SMC4: variants seen among roughly 807,000 people sequenced by gnomAD.
SMC4 encodes the protein structural maintenance of chromosomes 4, also known as structural maintenance of chromosomes protein 4.
Under a neutral mutation model 145.6 loss-of-function variants are expected in SMC4, and 87 were observed. The observed-to-expected ratio is 0.60, with a 90% CI of 0.50 to 0.71. The LOEUF is 0.71. Ranked by LOEUF, SMC4 falls within the 30% of genes least tolerant of loss-of-function variation. SMC4 has a pLI of 0.00. For missense variants in SMC4, 1,447 were observed against 1,537.1 expected (o/e 0.94, Z 0.98); for synonymous variants, 558 against 500.7 (o/e 1.11, Z -1.53).
At chr3:160,401,802 C>A in intron 2 of SMC4, 113 bp from the exon 3 acceptor site, 1 of 744,074 alleles carries the variant, frequency 1.3e-6, no homozygotes, top group Non-Finnish European at 2.2e-6. Flanking sequence ...AAATAACATC[C>A]CTCCATCCCC....
At chr3:160,405,609 C>G (rs938996424) in intron 5 of SMC4, among the ~76,000 whole-genome samples, 2 of 151,922 alleles carry the variant, frequency 1.3e-5, no homozygotes, top group African/African-American at 4.8e-5. Context: ...AAATCAGTAT[C>G]ATTCTAGGAT....
chr3:160,421,655 A>C, intron 13 of SMC4, among the ~76,000 whole-genome samples: 1 of 152,144 alleles, frequency 6.6e-6, no homozygotes, highest in East Asian at 1.9e-4. Context: ...GAAGCAGGAG[A>C]ATTGCCTAAA....
At position 160,420,820 on chromosome 3, in the gene SMC4, T is replaced by G; in HGVS notation, c.1938T>G (p.Asp646Glu). ...CCHALDYIVV[D>E]SIDIAQECVN... ...ATGCACTGGACTACATTGTTGTTGA[T>G]TCTATTGATATAGCCCAAGAATGTG... The change falls in exon 13 of 24, where the codon GAT becomes GAG. Residue 646 changes from aspartate to glutamate, a missense_variant. Coordinates refer to ENST00000357388, the MANE Select transcript of SMC4 (RefSeq NM_001002800.3). 6.2e-7 allele frequency: 1 copy of G among 1,614,100 alleles called. No individual in the cohort carries two copies. Among genetic ancestry groups the G allele is most frequent in the Non-Finnish European group, 8.5e-7 (1 of 1,179,982 alleles).
chr3:160,426,318 A>G (rs1717792010), intron 17 of SMC4, 118 bp downstream of exon 17: 1 of 755,672 alleles, frequency 1.3e-6, no homozygotes, highest in East Asian at 2.6e-5. Context: ...TCATTGCACT[A>G]TTTTATGGTG....
In SMC4 at chr3:160,423,506, G is replaced by A; in HGVS notation, c.2101G>A (p.Asp701Asn). ...TTTATTTGATTTAGTAAAAGTAAAA[G>A]ATGAGAAAATTCGCCAAGCTTTTTA... ...PRLFDLVKVKDEKIRQAFYFA... is the reference protein window; with the variant it reads ...PRLFDLVKVKNEKIRQAFYFA... The change falls in exon 14 of 24, where the codon GAT becomes AAT. Residue 701 changes from aspartate to asparagine, a missense_variant. Asp to Asn is a conservative substitution (Grantham distance 23). Coordinates refer to ENST00000357388, the MANE Select transcript of SMC4 (RefSeq NM_001002800.3). 6.2e-7 allele frequency: 1 copy of A among 1,613,726 alleles called. No individual in the cohort carries two copies. Among genetic ancestry groups the A allele is most frequent in the Non-Finnish European group, 8.5e-7 (1 of 1,179,826 alleles).
rs747854603 is a variant in SMC4, at chr3:160,404,432, A to T, written c.615A>T (p.Thr205=). Residue 205 remains threonine (T), a synonymous_variant, in exon 5 of 24, where the codon ACA becomes ACT. Transcript: ENST00000357388. ...SVYHISGKKK[T]FKDVGNLLRS... ...ATCACATAAGTGGAAAGAAAAAGACATTTAAGGATGTTGGAAATCTTCTTC... is the reference window on the plus strand; with the variant it reads ...ATCACATAAGTGGAAAGAAAAAGACTTTTAAGGATGTTGGAAATCTTCTTC... 6.2e-7 allele frequency: 1 copy of T among 1,612,196 alleles called. No homozygotes were observed. The highest frequency in any genetic ancestry group is 8.5e-7 in the Non-Finnish European group (1 of 1,179,318).
intron 6 of SMC4, 40 bp from the exon 7 acceptor site, chr3:160,412,286 T>A: frequency 6.4e-7 from 1 of 1,552,740 alleles, no homozygotes; most frequent in Non-Finnish European, 8.8e-7. Context: ...ATTGTACATA[T>A]GAAGTGTGTA....
chr3:160,401,780 C>CCT (rs1341194155), intron 2 of SMC4, 135 bp from the exon 3 acceptor site: 1 of 665,920 alleles, frequency 1.5e-6, no homozygotes, highest in South Asian at 2.0e-5. Flanking sequence ...AATATAGACT[C>CCT]CTAAGTTTCA....
chr3:160,399,715 G>C lies in SMC4; in HGVS notation c.-40G>C, dbSNP rs539121715. The C allele has an allele frequency of 6.4e-4, 98 of 152,778 alleles. No homozygotes were observed. Among genetic ancestry groups the C allele is most frequent in the African/African-American group, 2.2e-3 (93 of 41,586 alleles). 9.5% of individuals were successfully genotyped at this position (152,778 alleles called of 1,614,324 possible). A position where few individuals can be genotyped will look rare whatever the true frequency, so the allele number is the denominator to read the frequency against. ...GCGGGGAGGTGGGTACTACACAACC[G>C]TCTCCAGCCTTGGTCTGAGTGGACT... On this transcript the variant is annotated 5_prime_UTR_variant, in exon 1 of 24. Coordinates refer to ENST00000357388, the MANE Select transcript of SMC4 (RefSeq NM_001002800.3).
At chr3:160,405,596 G>A (rs568789853) in intron 5 of SMC4, among the ~76,000 whole-genome samples, 1 of 151,990 alleles carries the variant, frequency 6.6e-6, no homozygotes, top group African/African-American at 2.4e-5. Context: ...TAGTATACAA[G>A]GTAAATCAGT....
rs887334857 is a variant in SMC4, at chr3:160,433,852, G to A, written c.*43G>A. On this transcript the variant is annotated 3_prime_UTR_variant, in exon 24 of 24. Coordinates refer to ENST00000357388, the MANE Select transcript of SMC4 (RefSeq NM_001002800.3). ...CTTCAAGTTGATTCAGTGTATTACT[G>A]ATTTTTTTCTATTTGTAAAGGATTA... 1.4e-6 allele frequency: 2 copies of A among 1,470,214 alleles called. No homozygotes were observed. Among genetic ancestry groups the A allele is most frequent in the Non-Finnish European group, 1.9e-6 (2 of 1,075,402 alleles). 91.1% of individuals were successfully genotyped at this position (1,470,214 alleles called of 1,614,324 possible).
chr3:160,414,660 C>T (rs1202993262), intron 9 of SMC4, 143 bp downstream of exon 9: 2 of 887,754 alleles, frequency 2.3e-6, no homozygotes, highest in Non-Finnish European at 3.4e-6. Flanking sequence ...CATGATTTTA[C>T]CCCCTCAAGG....
chr3:160,414,485 C>CTTCAAAAAG lies in SMC4; in HGVS notation c.1241_1242insTCAAAAAGT (p.Leu414_Glu415insGlnLysVal). ...ACATGCCACGAGTAAAGCCAAAAAA[C>CTTCAAAAAG]TGGAGAAACAACTTCAAAAAGATAA... On this transcript the variant is annotated inframe_insertion, in exon 9 of 24. Coordinates refer to ENST00000357388, the MANE Select transcript of SMC4 (RefSeq NM_001002800.3). 6.2e-7 allele frequency: 1 copy of CTTCAAAAAG among 1,611,244 alleles called. No individual in the cohort carries two copies.
At chr3:160,414,265 G>A (rs1716356354) in intron 8 of SMC4, 102 bp from the exon 9 acceptor site, 1 of 954,558 alleles carries the variant, frequency 1.0e-6, no homozygotes, top group Non-Finnish European at 1.7e-6. Context: ...GCCTTATTAA[G>A]AGCCTGGACA....
Position 160,402,688 on chromosome 3 carries a change from A to G in SMC4, c.331A>G (p.Ile111Val). The change falls in exon 4 of 24, where the codon ATT becomes GTT. Residue 111 changes from isoleucine to valine, a missense_variant. Ile to Val is a conservative substitution (Grantham distance 29, BLOSUM62 3). Transcript: ENST00000357388. The part of the protein sequence containing the change: ...LGPFHKRFSC[I>V]IGPNGSGKSN... ...TTTTTTAATGCAGCGCTTTTCCTGT[A>G]TTATCGGGCCAAATGGCAGTGGCAA... The G allele has an allele frequency of 1.9e-6, 3 of 1,608,134 alleles. No individual in the cohort carries two copies. The South Asian group carries it at 3.4e-5, about 18-fold the overall frequency.
intron 8 of SMC4, 128 bp from the exon 9 acceptor site, chr3:160,414,239 A>T (rs2305406): frequency 0.05 from 38,580 of 772,514 alleles, 1,240 homozygotes; most frequent in Middle Eastern, 0.08. Flanking sequence ...TGGAATAAGG[A>T]GAGTTTTAGG....
intron 4 of SMC4, 99 bp downstream of exon 4, chr3:160,402,966 T>TA (rs1240546841): frequency 7.3e-6 from 6 of 825,890 alleles, no homozygotes; most frequent in Non-Finnish European, 1.1e-5. Flanking sequence ...TGTATGTAAT[T>TA]ACAGCGGAAA....
At chr3:160,429,839 C>T (rs1718196641) in intron 18 of SMC4, among the ~76,000 whole-genome samples, 1 of 151,788 alleles carries the variant, frequency 6.6e-6, no homozygotes, top group African/African-American at 2.4e-5. Context: ...GTCTCAGCCT[C>T]CCAAGTAGCT....
intron 9 of SMC4, among the ~76,000 whole-genome samples, chr3:160,414,781 T>C (rs763214893): frequency 6.6e-6 from 1 of 152,070 alleles, no homozygotes; most frequent in Non-Finnish European, 1.5e-5. Context: ...AGTGGTATGA[T>C]TATAGTCTTG....
Sources: allele counts gnomAD v4.1 joint callset (sites outside exome capture counted in the v4.1 genomes callset), GRCh38; gene constraint gnomAD v4.1.1; transcripts MANE v1.5; gene names NCBI Gene and HGNC (gene_info 2026-07-23, HGNC 2026-07-21).